The following CFAP74 variants were observed in gnomAD, a reference collection of about 807,000 sequenced individuals.
CFAP74 encodes the protein cilia and flagella associated protein 74.
Under a neutral mutation model 188.9 loss-of-function variants are expected in CFAP74, and 124 were observed. The ratio of observed to expected loss-of-function variants is 0.66; its 90% CI spans 0.57 to 0.76. The LOEUF (loss-of-function observed/expected upper bound fraction) is 0.76. Among genes scored for constraint, CFAP74 ranks in the 30% least tolerant of loss-of-function variants. CFAP74 has a pLI of 0.00. For synonymous variants in CFAP74, 956 were observed against 916.7 expected (o/e 1.04, Z -0.77); for missense variants, 2,198 against 2,165.2 (o/e 1.02, Z -0.30).
intron 5 of CFAP74, among the ~76,000 whole-genome samples, chr1:1,986,131 T>C (rs1191995836): frequency 6.6e-6 from 1 of 152,156 alleles, no homozygotes; most frequent in African/African-American, 2.4e-5. Context: ...ACGCCTGTAA[T>C]TCCAGCAATT....
rs1356629550 is a variant in CFAP74, at chr1:1,942,118, T to C, written c.2525A>G (p.Lys842Arg). Reference sequence around the variant, plus strand: ...GAGCTCCAGGTGGGCCCTCAGCTCCTTGCACACCTCGAACTTCAGGCGCAG... The same window carrying C: ...GAGCTCCAGGTGGGCCCTCAGCTCCCTGCACACCTCGAACTTCAGGCGCAG... ...AALRLKFEVC[K>R]ELRAHLELLP... is the part of the protein sequence containing the mutation. The change falls in exon 22 of 39, where the codon AAG (lysine) becomes AGG (arginine). Residue 842 changes from lysine (K) to arginine (R), a missense_variant. Transcript: ENST00000682832. The surrounding 1 kb of genome is among the most constrained non-coding windows in gnomAD (Gnocchi z 4.3). 6 of 1,529,938 alleles carry C rather than the reference T, an allele frequency of 3.9e-6. No individual in the cohort carries two copies. In the African/African-American group the frequency reaches 6.9e-5, roughly 17 times the overall value. 94.8% of individuals were successfully genotyped at this position (1,529,938 alleles called of 1,614,324 possible). A position where few individuals can be genotyped will look rare whatever the true frequency, so the allele number is the denominator to read the frequency against.
chr1:1,966,366 GA>G lies in CFAP74; in HGVS notation c.1401+4del. The stretch of plus-strand genomic sequence containing the variant: ...GCAAGCGTCTAAAGGAGCAGGAGCT[GA>G]TACCTGGTATGGCTTGTAGTCTTCA... On this transcript the variant is annotated splice_donor_region_variant and intron_variant, in intron 12 of 38. Coordinates refer to ENST00000682832, the MANE Select transcript of CFAP74 (RefSeq NM_001304360.2). The G allele has an allele frequency of 2.6e-6, 4 of 1,526,552 alleles. No homozygotes were observed. Among genetic ancestry groups the G allele is most frequent in the Non-Finnish European group, 3.5e-6 (4 of 1,131,246 alleles). The allele number at this position is 1,526,552 out of a possible 1,614,324, so 94.6% of individuals were successfully genotyped here. A position where few individuals can be genotyped will look rare whatever the true frequency, so the allele number is the denominator to read the frequency against.
At chr1:1,971,532 C>T (rs567775416) in intron 9 of CFAP74, among the ~76,000 whole-genome samples, 15 of 152,404 alleles carry the variant, frequency 9.8e-5, no homozygotes, top group Admixed American at 9.1e-4. Context: ...GGCAAACTGT[C>T]CGCACATCCC....
chr1:1,969,920 A>T (rs1374264868), intron 10 of CFAP74, among the ~76,000 whole-genome samples: 8 of 152,170 alleles, frequency 5.3e-5, no homozygotes, highest in Admixed American at 5.2e-4. Flanking sequence ...GGCTCCCGGG[A>T]TGAGGGCAGC....
At chr1:1,957,794 C>T (rs1264198314) in intron 16 of CFAP74, among the ~76,000 whole-genome samples, 1 of 152,034 alleles carries the variant, frequency 6.6e-6, no homozygotes, top group Non-Finnish European at 1.5e-5. Context: ...CCTGCTGCCC[C>T]TGGCCCTGGT....
Position 1,966,545 on chromosome 1 carries a change from A to T in CFAP74, c.1246-19T>A, listed in dbSNP as rs368393908. 532 of 1,512,466 alleles carry T rather than the reference A, an allele frequency of 3.5e-4. No homozygotes were observed. The highest frequency in any genetic ancestry group is 4.3e-4 in the Non-Finnish European group (479 of 1,125,802). 93.7% of individuals were successfully genotyped at this position (1,512,466 alleles called of 1,614,324 possible). ...CGTAGTCCTGCAGTCGGGGAGAGGA[A>T]CATCGCAAAGACACGCTCATGACAG... is the stretch of plus-strand genomic sequence containing the variant. On this transcript the variant is annotated intron_variant, in intron 11 of 38. Coordinates refer to ENST00000682832, the MANE Select transcript of CFAP74 (RefSeq NM_001304360.2).
chr1:1,955,770 C>T lies in CFAP74; in HGVS notation c.2097G>A (p.Thr699=), dbSNP rs764869467. 6.2e-6 allele frequency: 10 copies of T among 1,614,214 alleles called. No individual in the cohort carries two copies. The highest frequency in any genetic ancestry group is 1.7e-5 in the Admixed American group (1 of 60,024). Residue 699 remains threonine, a synonymous_variant, in exon 18 of 39, where the codon ACG becomes ACA. Transcript: ENST00000682832. ...TSFSEQQLEG[T]ESSQADMQSR... ...TCTGCATGTCCGCCTGGGAGGACTC[C>T]GTGCCCTCTAGCTGCTGCTCAGAGA...
intron 6 of CFAP74, among the ~76,000 whole-genome samples, chr1:1,978,985 C>G (rs188193798): frequency 6.2e-5 from 9 of 146,188 alleles, no homozygotes; most frequent in Admixed American, 1.4e-4. Flanking sequence ...GGGAAGGCGT[C>G]ACGTGACGAG....
intron 16 of CFAP74, among the ~76,000 whole-genome samples, chr1:1,957,452 C>T (rs1278629471): frequency 1.3e-5 from 2 of 152,338 alleles, no homozygotes; most frequent in East Asian, 3.9e-4. Context: ...CTCCTTCCCG[C>T]CTGCACCGCC....
intron 16 of CFAP74, 47 bp from the exon 17 acceptor site, chr1:1,956,831 CAG>C: frequency 1.3e-6 from 2 of 1,589,718 alleles, no homozygotes; most frequent in Non-Finnish European, 1.7e-6. Context: ...GCCAGGCCCA[CAG>C]GGTGCCCAGC....
intron 6 of CFAP74, among the ~76,000 whole-genome samples, chr1:1,979,366 T>C (rs1260814817): frequency 1.4e-5 from 2 of 145,252 alleles, no homozygotes; most frequent in Non-Finnish European, 3.0e-5. Context: ...ATGCGTGTGG[T>C]ACTGAGCTGG....
intron 18 of CFAP74, chr1:1,955,403 C>G (rs1445298193): frequency 7.1e-7 from 1 of 1,418,428 alleles, no homozygotes; most frequent in Non-Finnish European, 9.4e-7. Flanking sequence ...ACCGCAGAGC[C>G]TCTTCCCCGC....
chr1:1,938,161 A>C (rs1476969120), intron 25 of CFAP74, among the ~76,000 whole-genome samples: 1 of 149,726 alleles, frequency 6.7e-6, no homozygotes, highest in African/African-American at 2.5e-5. Context: ...ACTCACACTC[A>C]ACCTTACACA....
rs963129163 is a variant in CFAP74, at chr1:1,973,219, G to A, written c.675-172C>T. Among the ~76,000 whole-genome samples, 14 of 152,324 alleles carry A rather than the reference G, an allele frequency of 9.2e-5. No homozygotes were observed. Among genetic ancestry groups the A allele is most frequent in the Admixed American group, 5.9e-4 (9 of 15,308 alleles). ...CGAGGGTCCCTGGAGAGCTGATGCCGTGGGCCACACAGATGTCAAACTCTC... is the reference window on the plus strand; with the variant it reads ...CGAGGGTCCCTGGAGAGCTGATGCCATGGGCCACACAGATGTCAAACTCTC... On this transcript the variant is annotated intron_variant, in intron 7 of 38. Transcript: ENST00000682832. This position sits in a 1 kb window ranked among gnomAD's most constrained non-coding sequence, Gnocchi z 6.2.
chr1:1,963,887 C>A lies in CFAP74; in HGVS notation c.1576-20G>T, dbSNP rs748647307. The A allele has an allele frequency of 2.7e-5, 41 of 1,535,988 alleles. No individual in the cohort carries two copies. The highest frequency in any genetic ancestry group is 3.5e-5 in the Non-Finnish European group (39 of 1,109,368). On this transcript the variant is annotated intron_variant, in intron 13 of 38. Coordinates refer to ENST00000682832, the MANE Select transcript of CFAP74 (RefSeq NM_001304360.2). Reference sequence around the variant, plus strand: ...AAAGTCCTGGGAAAGGCCGAGGTAGCAGCTTCAGAGCGGGTCACAGGGGGC... The same window carrying A: ...AAAGTCCTGGGAAAGGCCGAGGTAGAAGCTTCAGAGCGGGTCACAGGGGGC...
In CFAP74 at chr1:1,975,399, G is replaced by A. The variant is rs1368943400; in HGVS notation, c.501-1201C>T. Among the ~76,000 whole-genome samples, 1 of 152,182 alleles carries A rather than the reference G, an allele frequency of 6.6e-6. No homozygotes were observed. Among genetic ancestry groups the A allele is most frequent in the Non-Finnish European group, 1.5e-5 (1 of 68,046 alleles). ...AGGATATAAACTCCAACTTGGCAAG[G>A]GAGGTGTGTCTGCGTGTCTCACACG... On this transcript the variant is annotated intron_variant, in intron 6 of 38. Coordinates refer to ENST00000682832, the MANE Select transcript of CFAP74 (RefSeq NM_001304360.2). The surrounding 1 kb of genome is among the most constrained non-coding windows in gnomAD (Gnocchi z 4.5).
intron 18 of CFAP74, chr1:1,955,147 C>T: frequency 7.9e-7 from 1 of 1,264,342 alleles, no homozygotes; most frequent in South Asian, 1.3e-5. Flanking sequence ...GGAACGCGCA[C>T]CACGCGAAGA....
intron 25 of CFAP74, among the ~76,000 whole-genome samples, chr1:1,930,641 C>T (rs1234060413): frequency 2.0e-5 from 3 of 152,176 alleles, no homozygotes; most frequent in Non-Finnish European, 1.5e-5. Context: ...ACTGTAGCCT[C>T]GAACTCCTGG....
At position 1,938,980 on chromosome 1, in the gene CFAP74, G is replaced by C; in HGVS notation, c.2886C>G (p.Asp962Glu). ...FGFVRLPKFVDVQPNDGFGTI... is the reference protein window; with the variant it reads ...FGFVRLPKFVEVQPNDGFGTI... ...TCCCAAACCCATCGTTGGGTTGGAC[G>C]TCCACAAACTGGAAATAGAAGAGTG... The change falls in exon 25 of 39, where the codon GAC becomes GAG. Residue 962 changes from aspartate (D) to glutamate (E), a missense_variant. Transcript: ENST00000682832. 5 of 1,535,992 alleles carry C rather than the reference G, an allele frequency of 3.3e-6. No individual in the cohort carries two copies. The highest frequency in any genetic ancestry group is 4.4e-6 in the Non-Finnish European group (5 of 1,146,774).
Sources: gnomAD v4.1 joint callset for allele counts (sites outside exome capture counted in the v4.1 genomes callset) on GRCh38, gnomAD v4.1.1 for gene constraint, Gnocchi (gnomAD v3.1) non-coding constraint, MANE v1.5 for transcripts, NCBI Gene and HGNC (gene_info 2026-07-23, HGNC 2026-07-21) for gene names.